The following PCSK5 variants were observed in gnomAD, a reference collection of about 807,000 sequenced individuals.
PCSK5 encodes the protein prohormone convertase 5.
PCSK5 carries 129 observed loss-of-function variants against 233.2 expected under a neutral mutation model. The observed-to-expected ratio is 0.55, with a 90% CI of 0.48 to 0.64. PCSK5 has a LOEUF of 0.64. Ranked by LOEUF, PCSK5 falls within the 30% of genes least tolerant of loss-of-function variation. The pLI is 0.00. For synonymous variants in PCSK5, 825 were observed against 879.2 expected (o/e 0.94, Z 1.09); for missense variants, 2,076 against 2,430.1 (o/e 0.85, Z 3.06).
intron 6 of PCSK5, among the ~76,000 whole-genome samples, chr9:76,069,843 G>A (rs1167188053): frequency 2.0e-5 from 3 of 151,966 alleles, no homozygotes; most frequent in East Asian, 1.9e-4. Flanking sequence ...GTAAGAGGAT[G>A]GAGTCGTTCA....
chr9:76,130,858 G>A (rs1464768506), intron 9 of PCSK5, among the ~76,000 whole-genome samples: 2 of 152,096 alleles, frequency 1.3e-5, no homozygotes, highest in Admixed American at 6.6e-5. Flanking sequence ...ATTATAGGGC[G>A]GTGGTCACGA....
chr9:76,079,631 T>C (rs1830764663), intron 7 of PCSK5, among the ~76,000 whole-genome samples: 2 of 152,344 alleles, frequency 1.3e-5, no homozygotes, highest in South Asian at 4.1e-4. Flanking sequence ...GTTTGACTTC[T>C]TTTCCTACTT....
At chr9:76,353,731 C>T (rs551656796) in intron 36 of PCSK5, among the ~76,000 whole-genome samples, 38 of 152,304 alleles carry the variant, frequency 2.5e-4, no homozygotes, top group Admixed American at 5.9e-4. Context: ...AAAACTAGTC[C>T]TTGACCTGAG....
chr9:75,993,706 A>G (rs1266958935), intron 3 of PCSK5, among the ~76,000 whole-genome samples: 1 of 152,236 alleles, frequency 6.6e-6, no homozygotes, highest in African/African-American at 2.4e-5. Context: ...AAGCACAATC[A>G]GCAGAAAGAA....
At chr9:76,132,767 A>G (rs1822811159) in intron 9 of PCSK5, among the ~76,000 whole-genome samples, 1 of 152,072 alleles carries the variant, frequency 6.6e-6, no homozygotes, top group African/African-American at 2.4e-5. Flanking sequence ...AGATACTAGC[A>G]TCCATGTTCT....
intron 9 of PCSK5, among the ~76,000 whole-genome samples, chr9:76,112,387 T>C (rs1037489450): frequency 6.6e-6 from 1 of 152,128 alleles, no homozygotes; most frequent in African/African-American, 2.4e-5. Context: ...AAACCCAATA[T>C]ATCTAGATCT....
intron 2 of PCSK5, among the ~76,000 whole-genome samples, chr9:75,967,747 C>G (rs1825651821): frequency 7.1e-6 from 1 of 140,380 alleles, no homozygotes; most frequent in African/African-American, 2.7e-5. Flanking sequence ...CTGTGAGCGC[C>G]TCAAGGGCAG....
chr9:76,354,164 C>T lies in PCSK5; in HGVS notation c.5199C>T (p.Cys1733=), dbSNP rs888840400. ...HMDDSHCLHC[C]NTSDPPSAQE... ...ACGACAGCCACTGCCTCCACTGCTGCAACACCTCTGATCCCCCCAGTGCCC... is the reference window on the plus strand; with the variant it reads ...ACGACAGCCACTGCCTCCACTGCTGTAACACCTCTGATCCCCCCAGTGCCC... The change falls in exon 37 of 38, where the codon TGC becomes TGT. Residue 1733 remains cysteine, a synonymous_variant. Transcript: ENST00000674117. 20 of 1,592,594 alleles carry T rather than the reference C, an allele frequency of 1.3e-5. No individual in the cohort carries two copies. Among genetic ancestry groups the T allele is most frequent in the Non-Finnish European group, 1.7e-5 (20 of 1,170,280 alleles).
intron 24 of PCSK5, among the ~76,000 whole-genome samples, chr9:76,282,871 A>C (rs1218333673): frequency 6.6e-6 from 1 of 152,166 alleles, no homozygotes; most frequent in Non-Finnish European, 1.5e-5. Context: ...GGAGGTCAAG[A>C]TAGTAACATT....
At chr9:76,302,096 C>T in intron 27 of PCSK5, 41 bp from the exon 28 acceptor site, 2 of 830,774 alleles carry the variant, frequency 2.4e-6, no homozygotes, top group South Asian at 1.6e-5. Flanking sequence ...ATCCTTTTTG[C>T]ATTAAAAAAA....
At chr9:76,021,079 C>A (rs1828164700) in intron 3 of PCSK5, among the ~76,000 whole-genome samples, 1 of 152,126 alleles carries the variant, frequency 6.6e-6, no homozygotes, top group Non-Finnish European at 1.5e-5. Flanking sequence ...CAAGTGTTTG[C>A]TGGCAGTGTA....
chr9:76,333,274 C>A (rs186397757), intron 34 of PCSK5, among the ~76,000 whole-genome samples: 1 of 152,328 alleles, frequency 6.6e-6, no homozygotes, highest in East Asian at 1.9e-4. Context: ...AATGGAGGTT[C>A]TTTTTCTTCA....
chr9:76,228,574 G>A (rs1825971933), intron 21 of PCSK5, among the ~76,000 whole-genome samples: 1 of 152,224 alleles, frequency 6.6e-6, no homozygotes, highest in Non-Finnish European at 1.5e-5. Flanking sequence ...AATGGAATGA[G>A]CATCTTTGCT....
At chr9:75,989,850 C>T (rs1350105476) in intron 3 of PCSK5, among the ~76,000 whole-genome samples, 6 of 151,956 alleles carry the variant, frequency 3.9e-5, no homozygotes, top group Non-Finnish European at 7.4e-5. Flanking sequence ...CATGAGTCAA[C>T]GCTGATTCAA....
chr9:76,345,390 C>A (rs1829950797), intron 35 of PCSK5, among the ~76,000 whole-genome samples: 1 of 151,396 alleles, frequency 6.6e-6, no homozygotes, highest in Admixed American at 6.6e-5. Context: ...ATGCTACCAC[C>A]CCTGGCTTAT....
intron 22 of PCSK5, among the ~76,000 whole-genome samples, chr9:76,234,859 C>G (rs1253716929): frequency 6.6e-6 from 1 of 152,322 alleles, no homozygotes; most frequent in African/African-American, 2.4e-5. Flanking sequence ...GTTTCTCTTG[C>G]TCCTAAGACT....
intron 12 of PCSK5, among the ~76,000 whole-genome samples, chr9:76,169,137 G>C (rs769755768): frequency 6.6e-6 from 1 of 152,200 alleles, no homozygotes; most frequent in Non-Finnish European, 1.5e-5. Flanking sequence ...AGGGCCGACT[G>C]TACCATAATT....
intron 5 of PCSK5, among the ~76,000 whole-genome samples, chr9:76,066,384 T>C (rs1830288314): frequency 6.6e-6 from 1 of 152,350 alleles, no homozygotes; most frequent in African/African-American, 2.4e-5. Context: ...GTTATATTAC[T>C]TTTTTGTGCT....
rs1377215173 is a variant in PCSK5 at position 76,005,546 on chromosome 9, C to T, written c.412-18192C>T. ...CTTTATTCTTTTTTGCAGTGGTGTT[C>T]TGGTAGAGTTACCGTAATTTATTTA... is the stretch of plus-strand genomic sequence containing the variant. On this transcript the variant is annotated intron_variant, in intron 3 of 37. Coordinates refer to ENST00000674117, the MANE Select transcript of PCSK5 (RefSeq NM_001372043.1). Among the ~76,000 whole-genome samples the T allele has an allele frequency of 3.3e-5, 5 of 152,092 alleles. No individual in the cohort carries two copies. The East Asian group carries it at 9.6e-4, about 29-fold the overall frequency.
Sources: allele counts gnomAD v4.1 joint callset (sites outside exome capture counted in the v4.1 genomes callset), GRCh38; gene constraint gnomAD v4.1.1; transcripts MANE v1.5; gene names NCBI Gene and HGNC (gene_info 2026-07-23, HGNC 2026-07-21).